The following CHRNA2 variants were observed in gnomAD, a reference collection of about 807,000 sequenced individuals.
CHRNA2 encodes the protein neuronal acetylcholine receptor subunit alpha-2.
Under a neutral mutation model 45.5 loss-of-function variants are expected in CHRNA2, and 40 were observed. The observed-to-expected ratio is 0.88, with a 90% CI of 0.68 to 1.15. The LOEUF (loss-of-function observed/expected upper bound fraction) is 1.15, where lower values mean the gene tolerates loss of function less well. Among genes scored for constraint, CHRNA2 ranks in the 50% most tolerant of loss-of-function variants. The pLI is 0.00. For missense variants in CHRNA2, 655 were observed against 701.7 expected, an observed-to-expected ratio of 0.93 and a Z score of 0.75; for synonymous variants, 301 against 296.7, an observed-to-expected ratio of 1.01 and a Z score of -0.15.
chr8:27,465,365 G>T (rs1209545900), intron 5 of CHRNA2, among the ~76,000 whole-genome samples: 2 of 152,134 alleles, frequency 1.3e-5, no homozygotes, highest in East Asian at 3.9e-4. Flanking sequence ...GTAGTTCCAT[G>T]GTAGAGATAT....
chr8:27,463,315 C>G lies in CHRNA2; in HGVS notation c.1128G>C (p.Arg376=). The G allele has an allele frequency of 6.2e-7, 1 of 1,612,344 alleles. No individual in the cohort carries two copies. The highest frequency in any genetic ancestry group is 8.5e-7 in the Non-Finnish European group (1 of 1,178,760). The change falls in exon 6 of 7, where the codon CGG becomes CGC. Residue 376 remains arginine, a synonymous_variant. Coordinates refer to ENST00000407991, the MANE Select transcript of CHRNA2 (RefSeq NM_000742.4). This position sits in a 1 kb window ranked among gnomAD's most constrained non-coding sequence, Gnocchi z 6.1. ...GTGGGGGCCGGTTCATCAGAAGCCA[C>G]CGGGGCACACAGCCCAGAAGGGCCC... ...VRGALLGCVP[R]WLLMNRPPPP... is the part of the protein sequence containing the mutation.
chr8:27,462,043 C>T (rs978347654), intron 6 of CHRNA2, among the ~76,000 whole-genome samples: 7 of 152,214 alleles, frequency 4.6e-5, no homozygotes, highest in African/African-American at 1.2e-4. Context: ...GCTAGAGGGA[C>T]GCAAGGAGGC....
At chr8:27,469,194 T>C (rs1230156500) in intron 4 of CHRNA2, 141 bp downstream of exon 4, 1 of 850,192 alleles carries the variant, frequency 1.2e-6, no homozygotes, top group Non-Finnish European at 1.9e-6. Context: ...TTTGGGAACA[T>C]CCCACATGGC....
rs1812599965 is a variant in CHRNA2, at chr8:27,463,685, G to A, written c.758C>T (p.Pro253Leu). The change falls in exon 6 of 7, where the codon CCC becomes CTC. Residue 253 changes from proline to leucine, a missense_variant. Physicochemically the swap from Pro to Leu is moderately conservative, Grantham distance 98 (BLOSUM62 -3). Coordinates refer to ENST00000407991, the MANE Select transcript of CHRNA2 (RefSeq NM_000742.4). The surrounding 1 kb of genome is among the most constrained non-coding windows in gnomAD (Gnocchi z 6.1). ...KKYDCCAEIY[P>L]DVTYAFVIRR... Reference sequence around the variant, plus strand: ...GATGACGAAGGCGTAGGTGACGTCGGGGTAGATCTCGGCGCAGCAGTCGTA... The same window carrying A: ...GATGACGAAGGCGTAGGTGACGTCGAGGTAGATCTCGGCGCAGCAGTCGTA... The A allele has an allele frequency of 6.2e-7, 1 of 1,614,012 alleles. No individual in the cohort carries two copies. Among genetic ancestry groups the A allele is most frequent in the South Asian group, 1.1e-5 (1 of 91,082 alleles).
chr8:27,461,619 G>A lies in CHRNA2; in HGVS notation c.*10C>T, dbSNP rs776005376. ...GGGGTGCCCTGGGAGCCAGCTCGAG[G>A]GAGGTGCAGTCAGATCATTCCAGCT... On this transcript the variant is annotated 3_prime_UTR_variant, in exon 7 of 7. Transcript: ENST00000407991. The A allele has an allele frequency of 4.3e-6, 7 of 1,614,090 alleles. No individual in the cohort carries two copies. The highest frequency in any genetic ancestry group is 4.0e-5 in the African/African-American group (3 of 74,946).
At position 27,467,271 on chromosome 8, in the gene CHRNA2, G is replaced by A; in HGVS notation, c.407C>T (p.Pro136Leu). Residue 136 changes from proline to leucine, a missense_variant, in exon 5 of 7, where the codon CCT (proline) becomes CTT (leucine). By Grantham distance (98) the Pro-to-Leu change is moderately conservative (BLOSUM62 -3). This residue lies in a region of CHRNA2 where 323 missense variants were observed against 354.4 expected (regional missense o/e 0.91). Coordinates refer to ENST00000407991, the MANE Select transcript of CHRNA2 (RefSeq NM_000742.4). ...GTCGGGGATCCAGATCATCTCAGAA[G>A]GGACCCTGAGAGATGTGATGTTGCC... Reference protein sequence around the residue: ...DFGNITSLRVPSEMIWIPDIV... With the variant: ...DFGNITSLRVLSEMIWIPDIV... 2 of 1,614,066 alleles carry A rather than the reference G, an allele frequency of 1.2e-6. No homozygotes were observed. Among genetic ancestry groups the A allele is most frequent in the Non-Finnish European group, 1.7e-6 (2 of 1,179,900 alleles).
rs796052303 is a variant in CHRNA2 at position 27,463,278 on chromosome 8, G to A, written c.1165C>T (p.Leu389Phe). 2.0e-5 allele frequency: 32 copies of A among 1,607,716 alleles called. No individual in the cohort carries two copies. Among genetic ancestry groups the A allele is most frequent in the Non-Finnish European group, 2.6e-5 (30 of 1,175,450 alleles). Residue 389 changes from leucine to phenylalanine, a missense_variant, in exon 6 of 7, where the codon CTC (leucine) becomes TTC (phenylalanine). This residue lies in a region of CHRNA2 where 295 missense variants were observed against 280.4 expected (regional missense o/e 1.05). Coordinates refer to ENST00000407991, the MANE Select transcript of CHRNA2 (RefSeq NM_000742.4). The surrounding 1 kb of genome is among the most constrained non-coding windows in gnomAD (Gnocchi z 6.1). ...LMNRPPPPVE[L>F]CHPLRLKLSP... is the part of the protein sequence containing the mutation. The stretch of plus-strand genomic sequence containing the variant: ...AGCTTCAGGCGTAGGGGGTGGCAGA[G>A]CTCCACGGGTGGTGGGGGCCGGTTC...
intron 1 of CHRNA2, among the ~76,000 whole-genome samples, chr8:27,476,341 G>A (rs1442967472): frequency 6.6e-6 from 1 of 152,206 alleles, no homozygotes; most frequent in East Asian, 1.9e-4. Context: ...AAGCCATCCA[G>A]GGAGGCCCCA....
At position 27,464,767 on chromosome 8, in the gene CHRNA2, C is replaced by A. The variant is rs139633672; in HGVS notation, c.450-774G>T. 9.6e-4 allele frequency among the ~76,000 whole-genome samples: 146 copies of A among 152,262 alleles called. 1 individual carries two copies. Among genetic ancestry groups the A allele is most frequent in the East Asian group, 7.1e-3 (37 of 5,184 alleles). On this transcript the variant is annotated intron_variant, in intron 5 of 6. Coordinates refer to ENST00000407991, the MANE Select transcript of CHRNA2 (RefSeq NM_000742.4). ...ACACCTTTGCGGGTGAAGATACTAC[C>A]TTGAATGTATCCATTTAACATGCGT...
chr8:27,468,917 C>G (rs1050221993), intron 4 of CHRNA2, among the ~76,000 whole-genome samples: 1 of 152,228 alleles, frequency 6.6e-6, no homozygotes, highest in Non-Finnish European at 1.5e-5. Flanking sequence ...CAGCGTTCTC[C>G]CATAGAAGGA....
intron 5 of CHRNA2, among the ~76,000 whole-genome samples, chr8:27,464,533 A>G (rs1372602909): frequency 6.6e-6 from 1 of 151,962 alleles, no homozygotes; most frequent in Non-Finnish European, 1.5e-5. Context: ...AGTTTTGGGG[A>G]AGGGGTGGGT....
chr8:27,470,478 T>G (rs541395926), intron 2 of CHRNA2, among the ~76,000 whole-genome samples: 1 of 152,360 alleles, frequency 6.6e-6, no homozygotes, highest in African/African-American at 2.4e-5. Flanking sequence ...CCATGGGCAT[T>G]TGCCACTTCC....
chr8:27,463,038 C>T lies in CHRNA2; in HGVS notation c.1405G>A (p.Ala469Thr). ...ELLLSPHMQK[A>T]LEGVHYIADH... is the part of the protein sequence containing the mutation. ...GCAATGTAGTGCACACCTTCCAGTG[C>T]CTTCTGCATGTGGGGTGATAGCAGC... Residue 469 changes from alanine to threonine, a missense_variant, in exon 6 of 7, where the codon GCA (alanine) becomes ACA (threonine). Ala to Thr is a moderately conservative substitution (Grantham distance 58, BLOSUM62 0). Around this residue, in one of 3 missense-constraint regions of CHRNA2, gnomAD observed 295 missense variants for 280.4 expected, o/e 1.05. Transcript: ENST00000407991. The surrounding 1 kb of genome is among the most constrained non-coding windows in gnomAD (Gnocchi z 6.1). 6.2e-7 allele frequency: 1 copy of T among 1,613,986 alleles called. No homozygotes were observed. Among genetic ancestry groups the T allele is most frequent in the Non-Finnish European group, 8.5e-7 (1 of 1,179,884 alleles).
intron 1 of CHRNA2, 37 bp from the exon 2 acceptor site, chr8:27,471,231 A>T (rs753445848): frequency 4.7e-6 from 3 of 634,352 alleles, no homozygotes; most frequent in African/African-American, 1.8e-5. Flanking sequence ...AGGGTCATGC[A>T]TCCTTGACAT....
In CHRNA2 at chr8:27,461,269, A is replaced by G. The variant is rs1239631074; in HGVS notation, c.*360T>C. ...CCACGGCCCCTCCTTTGAGGTCTGC[A>G]TTCCCTTCCTCGTCACCCTGGCCCC... On this transcript the variant is annotated 3_prime_UTR_variant, in exon 7 of 7. Coordinates refer to ENST00000407991, the MANE Select transcript of CHRNA2 (RefSeq NM_000742.4). 2 of 290,036 alleles carry G rather than the reference A, an allele frequency of 6.9e-6. No individual in the cohort carries two copies. Among genetic ancestry groups the G allele is most frequent in the Non-Finnish European group, 1.3e-5 (2 of 148,196 alleles). The allele number at this position is 290,036 out of a possible 1,614,324, so 18.0% of individuals were successfully genotyped here.
At chr8:27,474,223 A>G (rs1043884218) in intron 1 of CHRNA2, among the ~76,000 whole-genome samples, 4 of 152,130 alleles carry the variant, frequency 2.6e-5, no homozygotes, top group African/African-American at 9.7e-5. Context: ...GAAGGATTTG[A>G]TGTGAATTTC....
rs764266472 is a variant in CHRNA2 at position 27,471,107 on chromosome 8, G to T, written c.-49C>A. The T allele has an allele frequency of 1.9e-6, 3 of 1,547,156 alleles. No homozygotes were observed. The highest frequency in any genetic ancestry group is 4.5e-5 in the East Asian group (2 of 44,474). On this transcript the variant is annotated 5_prime_UTR_variant, in exon 2 of 7. Transcript: ENST00000407991. ...TCAGGTCAGGGCTTTGCTGTGGGTT[G>T]CACCATGGACCATGTCCCCAGCAGA...
Position 27,463,338 on chromosome 8 carries a change from C to G in CHRNA2, c.1105G>C (p.Ala369Pro), listed in dbSNP as rs762282272. ...CACCGGGGCACACAGCCCAGAAGGG[C>G]CCCCCGCACCCAGTGGGGCATGGTG... ...THTMPHWVRG[A>P]LLGCVPRWLL... is the part of the protein sequence containing the mutation. The change falls in exon 6 of 7, where the codon GCC becomes CCC. Residue 369 changes from alanine (A) to proline (P), a missense_variant. By Grantham distance (27) the Ala-to-Pro change is conservative. Around this residue, in one of 3 missense-constraint regions of CHRNA2, gnomAD observed 295 missense variants for 280.4 expected, o/e 1.05. Coordinates refer to ENST00000407991, the MANE Select transcript of CHRNA2 (RefSeq NM_000742.4). This position sits in a 1 kb window ranked among gnomAD's most constrained non-coding sequence, Gnocchi z 6.1. The G allele has an allele frequency of 6.2e-7, 1 of 1,613,750 alleles. No individual in the cohort carries two copies. Among genetic ancestry groups the G allele is most frequent in the South Asian group, 1.1e-5 (1 of 91,060 alleles).
At chr8:27,473,049 T>C (rs1183657602) in intron 1 of CHRNA2, among the ~76,000 whole-genome samples, 2 of 152,048 alleles carry the variant, frequency 1.3e-5, no homozygotes, top group Non-Finnish European at 2.9e-5. Flanking sequence ...AAAATATTAT[T>C]TTATAGAGTA....
Sources: allele counts gnomAD v4.1 joint callset (sites outside exome capture counted in the v4.1 genomes callset), GRCh38; gene constraint gnomAD v4.1.1; regional missense constraint gnomAD v4.1.1; non-coding constraint Gnocchi (gnomAD v3.1); transcripts MANE v1.5; gene names NCBI Gene and HGNC (gene_info 2026-07-23, HGNC 2026-07-21).